The following COL4A5 variants were observed in gnomAD, a reference collection of about 807,000 sequenced individuals.
The protein encoded by COL4A5 is collagen type IV alpha 5 chain.
In COL4A5, 26 loss-of-function variants were observed where a neutral mutation model predicts 130.2. The ratio of observed to expected loss-of-function variants is 0.20; its 90% CI spans 0.15 to 0.28. The LOEUF is 0.28. Ranked by LOEUF, COL4A5 falls within the 10% of genes least tolerant of loss-of-function variation. COL4A5 has a pLI of 1.00. For synonymous variants in COL4A5, 496 were observed against 439.6 expected, an observed-to-expected ratio of 1.13 and a Z score of -1.60; for missense variants, 1,131 against 1,344.3, an observed-to-expected ratio of 0.84 and a Z score of 2.48.
At chrX:108,645,584 ATTATT>A (rs2067563485) in intron 36 of COL4A5, among the ~76,000 whole-genome samples, 4 of 107,933 alleles carry the variant, frequency 3.7e-5, no homozygotes, top group African/African-American at 1.3e-4. Flanking sequence ...TTTTTTTAAA[ATTATT>A]ATTATTATAC....
At chrX:108,489,247 G>T (rs2064974617) in intron 1 of COL4A5, among the ~76,000 whole-genome samples, 1 of 111,677 alleles carries the variant, frequency 9.0e-6, no homozygotes, top group African/African-American at 3.2e-5. Context: ...ATTCATAAAT[G>T]GCCCCGGACT....
At position 108,696,431 on chromosome X, in the gene COL4A5, A is replaced by G. The variant is rs1296866253; in HGVS notation, c.*53A>G. On this transcript the variant is annotated 3_prime_UTR_variant, in exon 53 of 53. Transcript: ENST00000328300. The stretch of plus-strand genomic sequence containing the variant: ...AAAATGTGATATATATATATATAAA[A>G]TTCCTAGGATGCAGTGTCTCATTGT... 1.7e-5 allele frequency: 17 copies of G among 972,682 alleles called. No individual in the cohort carries two copies. The highest frequency in any genetic ancestry group is 2.4e-5 in the Non-Finnish European group (17 of 694,456). 80.2% of individuals were successfully genotyped at this position (972,682 alleles called of 1,213,427 possible). A position where few individuals can be genotyped will look rare whatever the true frequency, so the allele number is the denominator to read the frequency against.
At chrX:108,677,783 A>G (rs2068336200) in intron 44 of COL4A5, 150 bp downstream of exon 44, 2 of 641,284 alleles carry the variant, frequency 3.1e-6, no homozygotes, top group Non-Finnish European at 4.8e-6. Flanking sequence ...GTAGAAGGCA[A>G]GTTTCCTATA....
chrX:108,627,298 C>T, intron 36 of COL4A5: 1 of 663,070 alleles, frequency 1.5e-6, no homozygotes, highest in Non-Finnish European at 1.8e-6. Context: ...TCTTCATGCC[C>T]CATCCTCTTT....
rs1569481125 is a variant in COL4A5, at chrX:108,526,600, CTTTCTTT to C, written c.82-13145_82-13139del. ...CCCTCCCTCCCTCCCTCCCTCCTTT[CTTTCTTT>C]CTTTCTTTCTTTCTTTCTTTCTTTC... is the stretch of plus-strand genomic sequence containing the variant. On this transcript the variant is annotated intron_variant, in intron 1 of 52. Transcript: ENST00000328300. 8.2e-3 allele frequency among the ~76,000 whole-genome samples: 191 copies of C among 23,296 alleles called. 3 individuals carry two copies. Among genetic ancestry groups the C allele is most frequent in the African/African-American group, 0.036 (178 of 4,945 alleles). 20.2% of individuals were successfully genotyped at this position (23,296 alleles called of 115,157 possible). A position where few individuals can be genotyped will look rare whatever the true frequency, so the allele number is the denominator to read the frequency against.
rs104886062 is a variant in COL4A5, at chrX:108,575,965, G to C, written c.602G>C (p.Gly201Ala). The C allele has an allele frequency of 8.5e-7, 1 of 1,170,997 alleles. No individual in the cohort carries two copies. Reference protein sequence around the residue: ...PGPIGPPGPPGLMGPPGPPGL... With the variant: ...PGPIGPPGPPALMGPPGPPGL... Reference sequence around the variant, plus strand: ...CCAATTGGTCCCCCAGGACCACCAGGTTTGATGGTAAGCTCTCTTCTTTAA... The same window carrying C: ...CCAATTGGTCCCCCAGGACCACCAGCTTTGATGGTAAGCTCTCTTCTTTAA... The change falls in exon 10 of 53, where the codon GGT (glycine) becomes GCT (alanine). Residue 201 changes from glycine to alanine, a missense_variant. Physicochemically the swap from Gly to Ala is moderately conservative, Grantham distance 60. Transcript: ENST00000328300.
chrX:108,498,313 G>A (rs779525153), intron 1 of COL4A5, among the ~76,000 whole-genome samples: 49 of 111,169 alleles, frequency 4.4e-4, no homozygotes, highest in African/African-American at 1.6e-3. Flanking sequence ...TTATTTGTCT[G>A]TGTCTAATTT....
intron 1 of COL4A5, among the ~76,000 whole-genome samples, chrX:108,477,174 C>A (rs1907979464): frequency 8.9e-6 from 1 of 111,764 alleles, no homozygotes; most frequent in Admixed American, 9.5e-5. Flanking sequence ...CAGAGACACG[C>A]CTAGGAGCAA....
intron 29 of COL4A5, among the ~76,000 whole-genome samples, chrX:108,608,484 C>G (rs1454370293): frequency 9.0e-6 from 1 of 111,046 alleles, no homozygotes; most frequent in Non-Finnish European, 1.9e-5. Context: ...CAACATTTTA[C>G]TATATGTTGA....
rs1448386399 is a variant in COL4A5, at chrX:108,440,313, G to A, written c.81+107G>A. On this transcript the variant is annotated intron_variant, in intron 1 of 52. Coordinates refer to ENST00000328300, the MANE Select transcript of COL4A5 (RefSeq NM_033380.3). The stretch of plus-strand genomic sequence containing the variant: ...TATCTTCCTTTTGGCGTTGACTAGG[G>A]AATTCAAATTTGCTTTCTCATGTTT... 7.3e-6 allele frequency: 4 copies of A among 548,419 alleles called. No individual in the cohort carries two copies. The South Asian group carries it at 1.0e-4, about 14-fold the overall frequency. The allele number at this position is 548,419 out of a possible 1,213,427, so 45.2% of individuals were successfully genotyped here.
chrX:108,647,907 A>C (rs1436833215), intron 36 of COL4A5, among the ~76,000 whole-genome samples: 1 of 111,891 alleles, frequency 8.9e-6, no homozygotes, highest in Non-Finnish European at 1.9e-5. Context: ...ATGTTGAACC[A>C]GCCTTGCATC....
intron 26 of COL4A5, 64 bp downstream of exon 26, chrX:108,601,549 CAG>C (rs372549533): frequency 3.8e-5 from 26 of 676,434 alleles, no homozygotes; most frequent in African/African-American, 2.6e-4. Flanking sequence ...TTTTTTTTGA[CAG>C]AGTTTCGCTC....
At chrX:108,469,810 A>T (rs2064745989) in intron 1 of COL4A5, among the ~76,000 whole-genome samples, 1 of 111,525 alleles carries the variant, frequency 9.0e-6, no homozygotes, top group Admixed American at 9.5e-5. Context: ...AGTAGTCCCC[A>T]GTGTTTATTG....
Position 108,626,113 on chromosome X carries a change from G to C in COL4A5, c.3107-97G>C, listed in dbSNP as rs3761616. 2.6e-3 allele frequency: 2,273 copies of C among 865,063 alleles called. 19 individuals are homozygous for C. The highest frequency in any genetic ancestry group is 0.023 in the East Asian group (680 of 29,913). The allele number at this position is 865,063 out of a possible 1,213,427, so 71.3% of individuals were successfully genotyped here. On this transcript the variant is annotated intron_variant, in intron 35 of 52. Coordinates refer to ENST00000328300, the MANE Select transcript of COL4A5 (RefSeq NM_033380.3). ...TATTATCTAACTCAGAGTTTGCGGA[G>C]CTTTTTAAAAATCTTTTTGCTTTGT...
At chrX:108,481,340 G>T (rs2064888065) in intron 1 of COL4A5, among the ~76,000 whole-genome samples, 1 of 111,217 alleles carries the variant, frequency 9.0e-6, no homozygotes, top group African/African-American at 3.3e-5. Context: ...TGCATAAATT[G>T]TTGGTAATGT....
rs756885682 is a variant in COL4A5 at position 108,568,019 on chromosome X, T to C, written c.277-610T>C. On this transcript the variant is annotated intron_variant, in intron 4 of 52. Transcript: ENST00000328300. ...TGTTAACTTTGTTTCTCATATTTTGTTTCATAATTTCTAGGGTATCTTCAG... is the reference window on the plus strand; with the variant it reads ...TGTTAACTTTGTTTCTCATATTTTGCTTCATAATTTCTAGGGTATCTTCAG... Among the ~76,000 whole-genome samples the C allele has an allele frequency of 2.7e-5, 3 of 112,195 alleles. No homozygotes were observed. In the South Asian group the frequency reaches 1.1e-3, roughly 42 times the overall value.
chrX:108,518,606 A>G (rs956877354), intron 1 of COL4A5, among the ~76,000 whole-genome samples: 1 of 110,831 alleles, frequency 9.0e-6, no homozygotes, highest in African/African-American at 3.3e-5. Context: ...CATTAGGGGG[A>G]AAAAACATAT....
Position 108,473,633 on chromosome X carries a change from A to ATATATTTT in COL4A5, c.81+33428_81+33429insATATTTTT. Among the ~76,000 whole-genome samples, 36 of 34,561 alleles carry ATATATTTT rather than the reference A, an allele frequency of 1.0e-3. 1 individual carries two copies. The highest frequency in any genetic ancestry group is 3.1e-3 in the African/African-American group (29 of 9,274). 30.0% of individuals were successfully genotyped at this position (34,561 alleles called of 115,157 possible). On this transcript the variant is annotated intron_variant, in intron 1 of 52. Transcript: ENST00000328300. ...TATATGTATATATATATATATATAT[A>ATATATTTT]TTTTTTTTTTTTTGAGATGAAGTCT...
At chrX:108,509,062 G>A (rs1052212701) in intron 1 of COL4A5, among the ~76,000 whole-genome samples, 15 of 112,345 alleles carry the variant, frequency 1.3e-4, no homozygotes, top group Non-Finnish European at 2.1e-4. Context: ...TTGGCAATGC[G>A]ATCTAATTAA....
Sources: allele counts gnomAD v4.1 joint callset (sites outside exome capture counted in the v4.1 genomes callset), GRCh38; gene constraint gnomAD v4.1.1; transcripts MANE v1.5; gene names NCBI Gene and HGNC (gene_info 2026-07-23, HGNC 2026-07-21).